Variants in DCAF5 observed in about 807,000 individuals in gnomAD.
The protein encoded by DCAF5 is DDB1- and CUL4-associated factor 5.
In DCAF5, 9 loss-of-function variants were observed where a neutral mutation model predicts 80.7. That is an observed-to-expected ratio of 0.11 (90% confidence interval 0.07 to 0.19). The LOEUF (loss-of-function observed/expected upper bound fraction) is 0.19, where lower values mean the gene tolerates loss of function less well. Among genes scored for constraint, DCAF5 ranks in the 10% least tolerant of loss-of-function variants. The probability of loss-of-function intolerance (pLI) is 1.00; values close to 1 mark genes in which losing one functional copy is unlikely to be tolerated. For missense variants in DCAF5, 842 were observed against 1,205.7 expected, an observed-to-expected ratio of 0.70 and a Z score of 4.47; for synonymous variants, 433 against 461.9, an observed-to-expected ratio of 0.94 and a Z score of 0.80.
chr14:69,106,069 T>C (rs2040146797), intron 5 of DCAF5, among the ~76,000 whole-genome samples: 1 of 151,562 alleles, frequency 6.6e-6, no homozygotes, highest in Middle Eastern at 3.4e-3. Flanking sequence ...GTGTTGCTTT[T>C]TTTGAGACGG....
chr14:69,139,021 C>G (rs768045811), intron 1 of DCAF5, among the ~76,000 whole-genome samples: 1 of 151,728 alleles, frequency 6.6e-6, no homozygotes, highest in Admixed American at 6.6e-5. Flanking sequence ...TGTGATGGCA[C>G]GTGCTTGTAG....
At position 69,054,297 on chromosome 14, in the gene DCAF5, CAGG is replaced by C. The variant is rs2037866622; in HGVS notation, c.2386_2388del (p.Pro796del). 2 of 1,614,212 alleles carry C rather than the reference CAGG, an allele frequency of 1.2e-6. No individual in the cohort carries two copies. The highest frequency in any genetic ancestry group is 1.7e-6 in the Non-Finnish European group (2 of 1,180,032). ...AGAGTGGAGCCAGATGCCTTGGGGA[CAGG>C]AGGAGAAGGCGGCTCCTCAGCCCGA... is the stretch of plus-strand genomic sequence containing the variant. On this transcript the variant is annotated inframe_deletion, in exon 9 of 9. Transcript: ENST00000341516.
chr14:69,122,399 A>G, intron 1 of DCAF5, 39 bp from the exon 2 acceptor site: 2 of 1,586,564 alleles, frequency 1.3e-6, no homozygotes, highest in Non-Finnish European at 1.7e-6. Context: ...AAAACAGCTG[A>G]CATCGCAAGG....
intron 1 of DCAF5, among the ~76,000 whole-genome samples, chr14:69,126,184 CT>C (rs1285451121): frequency 4.9e-4 from 67 of 137,134 alleles, no homozygotes; most frequent in Non-Finnish European, 5.9e-4. Flanking sequence ...CGGAGTTTCA[CT>C]TTTTTTTTTT....
At chr14:69,141,398 C>G (rs2041370121) in intron 1 of DCAF5, among the ~76,000 whole-genome samples, 1 of 151,902 alleles carries the variant, frequency 6.6e-6, no homozygotes, top group South Asian at 2.1e-4. Context: ...TACATGTGCA[C>G]AACGTGCAGG....
At chr14:69,097,533 T>C (rs956564580) in intron 5 of DCAF5, among the ~76,000 whole-genome samples, 2 of 151,842 alleles carry the variant, frequency 1.3e-5, no homozygotes, top group African/African-American at 4.8e-5. Flanking sequence ...AAGAAATACT[T>C]GTGACCATCT....
chr14:69,079,900 G>T (rs115591808), intron 6 of DCAF5, among the ~76,000 whole-genome samples: 2,023 of 152,272 alleles, frequency 0.013, 42 homozygotes, highest in African/African-American at 0.047. Context: ...TAAACAGCAG[G>T]TTAGCGCATA....
chr14:69,102,647 G>A (rs2040002898), intron 5 of DCAF5, among the ~76,000 whole-genome samples: 1 of 124,046 alleles, frequency 8.1e-6, no homozygotes, highest in African/African-American at 2.7e-5. Context: ...CACAGGGTCA[G>A]GCTCATCAAT....
At chr14:69,148,674 G>A (rs1259049842) in intron 1 of DCAF5, among the ~76,000 whole-genome samples, 1 of 152,100 alleles carries the variant, frequency 6.6e-6, no homozygotes, top group African/African-American at 2.4e-5. Context: ...CAGCCTGGGC[G>A]ACAGAGCAAG....
At chr14:69,141,982 G>A (rs759943384) in intron 1 of DCAF5, among the ~76,000 whole-genome samples, 12 of 152,112 alleles carry the variant, frequency 7.9e-5, no homozygotes, top group Admixed American at 2.6e-4. Flanking sequence ...TCTGTATCCC[G>A]AGAGGTATAT....
At chr14:69,071,407 C>T (rs2038686981) in intron 7 of DCAF5, among the ~76,000 whole-genome samples, 1 of 152,170 alleles carries the variant, frequency 6.6e-6, no homozygotes, top group Non-Finnish European at 1.5e-5. Flanking sequence ...CACTCTCCAT[C>T]TCGTTCTCTC....
intron 1 of DCAF5, among the ~76,000 whole-genome samples, chr14:69,145,792 G>T (rs780386027): frequency 6.6e-6 from 1 of 152,078 alleles, no homozygotes. Context: ...TTCCACCCTT[G>T]AGTATCTAAA....
chr14:69,119,729 A>C (rs1240355236), intron 2 of DCAF5, among the ~76,000 whole-genome samples: 1 of 151,470 alleles, frequency 6.6e-6, no homozygotes, highest in Non-Finnish European at 1.5e-5. Flanking sequence ...AGTAGGGGGG[A>C]AACAACACAA....
Position 69,055,604 on chromosome 14 carries a change from C to A in DCAF5, c.1082G>T (p.Ser361Ile), listed in dbSNP as rs1271672795. 1 of 1,595,082 alleles carries A rather than the reference C, an allele frequency of 6.3e-7. No individual in the cohort carries two copies. Among genetic ancestry groups the A allele is most frequent in the Non-Finnish European group, 8.6e-7 (1 of 1,164,882 alleles). The change falls in exon 9 of 9, where the codon AGC becomes ATC. Residue 361 changes from serine (S) to isoleucine (I), a missense_variant. This residue lies in a region of DCAF5 where 65 missense variants were observed against 191.3 expected (regional missense o/e 0.34). Coordinates refer to ENST00000341516, the MANE Select transcript of DCAF5 (RefSeq NM_003861.3). This position sits in a 1 kb window ranked among gnomAD's most constrained non-coding sequence, Gnocchi z 5.6. ...AGTACATCCTGGCTGCTTGTATGGG[C>A]TCCAGATCTGAACAGAAAATGAAAA... The part of the protein sequence containing the change: ...SGVEKIIKIW[S>I]PYKQPGCTGD...
chr14:69,139,039 T>C (rs1192753859), intron 1 of DCAF5, among the ~76,000 whole-genome samples: 4 of 152,010 alleles, frequency 2.6e-5, no homozygotes, highest in Non-Finnish European at 5.9e-5. Context: ...TAGTCCCAGC[T>C]ACTCCAGAGG....
intron 1 of DCAF5, among the ~76,000 whole-genome samples, chr14:69,143,016 A>G (rs545824633): frequency 3.3e-5 from 5 of 152,310 alleles, no homozygotes; most frequent in African/African-American, 1.2e-4. Context: ...TGTGAGGAAG[A>G]AGGAGACTTT....
chr14:69,130,439 G>A (rs908804710), intron 1 of DCAF5, among the ~76,000 whole-genome samples: 14 of 152,272 alleles, frequency 9.2e-5, no homozygotes, highest in Middle Eastern at 3.4e-3. Flanking sequence ...GAGGAATGGC[G>A]AGTCATAGTT....
At chr14:69,081,689 T>C (rs2039109046) in intron 6 of DCAF5, among the ~76,000 whole-genome samples, 1 of 152,054 alleles carries the variant, frequency 6.6e-6, no homozygotes, top group Non-Finnish European at 1.5e-5. Flanking sequence ...GATTACTGAC[T>C]GGTATTTGTC....
At chr14:69,100,642 A>G (rs1454558470) in intron 5 of DCAF5, among the ~76,000 whole-genome samples, 1 of 152,244 alleles carries the variant, frequency 6.6e-6, no homozygotes, top group Non-Finnish European at 1.5e-5. Context: ...CTACAGATCC[A>G]CCATCCCACT....
Sources: gnomAD v4.1 joint callset for allele counts (sites outside exome capture counted in the v4.1 genomes callset) on GRCh38, gnomAD v4.1.1 for gene constraint, gnomAD v4.1.1 regional missense constraint, Gnocchi (gnomAD v3.1) non-coding constraint, MANE v1.5 for transcripts, NCBI Gene and HGNC (gene_info 2026-07-23, HGNC 2026-07-21) for gene names.